CNDP2: variants seen among roughly 807,000 people sequenced by gnomAD.
The protein encoded by CNDP2 is carnosine dipeptidase 2.
Under a neutral mutation model 55.0 loss-of-function variants are expected in CNDP2, and 38 were observed. The observed-to-expected ratio is 0.69, with a 90% confidence interval of 0.53 to 0.90. CNDP2 has a LOEUF of 0.90. CNDP2 is among the 40% of genes least tolerant of loss of function. CNDP2 has a pLI of 0.00. For missense variants in CNDP2, 607 were observed against 621.7 expected (o/e 0.98, Z 0.25); for synonymous variants, 241 against 260.2 (o/e 0.93, Z 0.71).
chr18:74,511,396 A>G (rs1979344001), intron 6 of CNDP2, among the ~76,000 whole-genome samples: 1 of 152,214 alleles, frequency 6.6e-6, no homozygotes, highest in East Asian at 1.9e-4. Flanking sequence ...TCCCATGACT[A>G]AGTGACGCAC....
intron 8 of CNDP2, among the ~76,000 whole-genome samples, chr18:74,515,274 C>G: frequency 6.6e-6 from 1 of 152,150 alleles, no homozygotes; most frequent in East Asian, 1.9e-4. Flanking sequence ...CTAGGAGACC[C>G]GTTAGGCTGT....
intron 8 of CNDP2, 160 bp downstream of exon 8, chr18:74,513,879 G>T: frequency 1.4e-6 from 1 of 691,688 alleles, no homozygotes; most frequent in Non-Finnish European, 2.3e-6. Flanking sequence ...TGACCAGGTT[G>T]CTGGTCGTTG....
At chr18:74,506,799 C>T (rs1331879171) in intron 4 of CNDP2, among the ~76,000 whole-genome samples, 2 of 152,234 alleles carry the variant, frequency 1.3e-5, no homozygotes, top group Non-Finnish European at 2.9e-5. Context: ...TGAGGGACCC[C>T]GCAGGCCAGC....
intron 3 of CNDP2, among the ~76,000 whole-genome samples, chr18:74,503,202 C>G (rs879762985): frequency 2.6e-5 from 4 of 152,060 alleles, no homozygotes; most frequent in Admixed American, 2.6e-4. Flanking sequence ...AAGAAAGGGC[C>G]TTTCATAAAA....
At chr18:74,518,064 G>A (rs1333800054) in intron 9 of CNDP2, 1 of 153,748 alleles carries the variant, frequency 6.5e-6, no homozygotes, top group Admixed American at 6.4e-5. Flanking sequence ...CACGAGGTCA[G>A]GAGATCCAGA....
chr18:74,511,757 C>A (rs1979368516), intron 6 of CNDP2, among the ~76,000 whole-genome samples: 1 of 151,864 alleles, frequency 6.6e-6, no homozygotes, highest in Non-Finnish European at 1.5e-5. Context: ...TGGGAAGGGA[C>A]AGGCCTGGCT....
chr18:74,496,922 A>G (rs1468553024), intron 1 of CNDP2, among the ~76,000 whole-genome samples: 1 of 152,128 alleles, frequency 6.6e-6, no homozygotes, highest in Admixed American at 6.5e-5. Flanking sequence ...TCCCAGGTTC[A>G]AAGGGCCCTG....
intron 2 of CNDP2, among the ~76,000 whole-genome samples, chr18:74,500,400 A>G (rs568610659): frequency 6.6e-6 from 1 of 152,246 alleles, no homozygotes; most frequent in Non-Finnish European, 1.5e-5. Context: ...TATTCTTCGT[A>G]CATACATTAC....
At chr18:74,499,554 CAG>C (rs1266332571) in intron 1 of CNDP2, 11 of 170,594 alleles carry the variant, frequency 6.4e-5, no homozygotes, top group Non-Finnish European at 1.3e-5. Context: ...TCTGCAATAA[CAG>C]AAAGTGAAAC....
chr18:74,511,168 C>G, intron 6 of CNDP2, 155 bp downstream of exon 6: 1 of 632,112 alleles, frequency 1.6e-6, no homozygotes, highest in South Asian at 2.0e-5. Flanking sequence ...CATAAACCAC[C>G]GTCCTACACC....
intron 9 of CNDP2, chr18:74,516,993 GCAGACGCGA>G (rs1460284216): frequency 1.1e-4 from 5 of 45,064 alleles, no homozygotes; most frequent in East Asian, 4.4e-3. Context: ...AGCTTACGTG[GCAGACGCGA>G]TAGCTTACGT....
At chr18:74,508,551 G>A in intron 4 of CNDP2, 1 of 352,628 alleles carries the variant, frequency 2.8e-6, no homozygotes, top group Non-Finnish European at 5.3e-6. Flanking sequence ...TTAGACTGGA[G>A]GTCTCCACCC....
At chr18:74,510,725 G>A in intron 5 of CNDP2, 88 bp from the exon 6 acceptor site, 1 of 1,157,514 alleles carries the variant, frequency 8.6e-7, no homozygotes. Flanking sequence ...GAGAATGCCG[G>A]AGATGTGAAA....
chr18:74,516,399 G>C lies in CNDP2; in HGVS notation c.1068+7G>C. On this transcript the variant is annotated splice_region_variant and intron_variant, in intron 9 of 11. Transcript: ENST00000324262. ...TGAAGTCGTCGGCGAGCAGGCATGTGGGGCTGGGACACGGGGTGGGGGCCA... is the reference window on the plus strand; with the variant it reads ...TGAAGTCGTCGGCGAGCAGGCATGTCGGGCTGGGACACGGGGTGGGGGCCA... 1 of 1,604,276 alleles carries C rather than the reference G, an allele frequency of 6.2e-7. No homozygotes were observed. Among genetic ancestry groups the C allele is most frequent in the Admixed American group, 1.7e-5 (1 of 59,256 alleles).
chr18:74,513,921 T>TC, intron 8 of CNDP2: 1 of 542,250 alleles, frequency 1.8e-6, no homozygotes, highest in Non-Finnish European at 3.2e-6. Context: ...TACTTTTGAT[T>TC]CCATCAGACC....
Position 74,521,742 on chromosome 18 carries a change from A to C in CNDP2, c.*1674A>C, listed in dbSNP as rs984316295. The C allele has an allele frequency of 6.6e-5, 10 of 152,250 alleles. No individual in the cohort carries two copies. The highest frequency in any genetic ancestry group is 2.4e-4 in the African/African-American group (10 of 41,438). The allele number at this position is 152,250 out of a possible 1,614,324, so 9.4% of individuals were successfully genotyped here. A position where few individuals can be genotyped will look rare whatever the true frequency, so the allele number is the denominator to read the frequency against. ...GAAGAATCTCTGCTCATGTGGGAGGAAGGTGGGAGATCAAAGCTGGAGCAC... is the reference window on the plus strand; with the variant it reads ...GAAGAATCTCTGCTCATGTGGGAGGCAGGTGGGAGATCAAAGCTGGAGCAC... On this transcript the variant is annotated 3_prime_UTR_variant, in exon 12 of 12. Transcript: ENST00000324262.
intron 10 of CNDP2, 35 bp from the exon 11 acceptor site, chr18:74,518,914 A>G (rs973658787): frequency 6.2e-7 from 1 of 1,605,272 alleles, no homozygotes; most frequent in Non-Finnish European, 8.5e-7. Flanking sequence ...TAGGGCCCCA[A>G]AGCTCACCGT....
Position 74,513,613 on chromosome 18 carries a change from T to C in CNDP2, c.797T>C (p.Val266Ala), listed in dbSNP as rs1177078033. The change falls in exon 8 of 12, where the codon GTG (valine) becomes GCG (alanine). Residue 266 changes from valine (V) to alanine (A), a missense_variant. Transcript: ENST00000324262. ...NILIPGINEA[V>A]AAVTEEEHKL... ...CTGATCCCCGGCATTAACGAGGCCG[T>C]GGCCGCCGTCACGGAAGAGGAGCAC... 1 of 1,613,866 alleles carries C rather than the reference T, an allele frequency of 6.2e-7. No homozygotes were observed. The highest frequency in any genetic ancestry group is 1.7e-5 in the Admixed American group (1 of 60,004).
At position 74,518,988 on chromosome 18, in the gene CNDP2, G is replaced by A. The variant is rs1299387298; in HGVS notation, c.1250G>A (p.Ser417Asn). 1 of 1,614,084 alleles carries A rather than the reference G, an allele frequency of 6.2e-7. No individual in the cohort carries two copies. Among genetic ancestry groups the A allele is most frequent in the African/African-American group, 1.3e-5 (1 of 74,918 alleles). Reference sequence around the variant, plus strand: ...CCAGACTTGACCAGGGAAGGCGGCAGTATTCCCGTGACCTTGACCTTTCAG... The same window carrying A: ...CCAGACTTGACCAGGGAAGGCGGCAATATTCCCGTGACCTTGACCTTTCAG... ...VEPDLTREGGSIPVTLTFQEA... is the reference protein window; with the variant it reads ...VEPDLTREGGNIPVTLTFQEA... Residue 417 changes from serine to asparagine, a missense_variant, in exon 11 of 12, where the codon AGT becomes AAT. Physicochemically the swap from Ser to Asn is conservative, Grantham distance 46 (BLOSUM62 1). Transcript: ENST00000324262.
Sources: allele counts gnomAD v4.1 joint callset (sites outside exome capture counted in the v4.1 genomes callset), GRCh38; gene constraint gnomAD v4.1.1; transcripts MANE v1.5; gene names NCBI Gene and HGNC (gene_info 2026-07-23, HGNC 2026-07-21).